UBR7: variants seen among roughly 807,000 people sequenced by gnomAD.
UBR7 encodes putative E3 ubiquitin-protein ligase UBR7.
A neutral mutation model predicts 57.0 loss-of-function variants in UBR7; 22 were observed. That is an observed-to-expected ratio of 0.39 (90% CI 0.28 to 0.55). The LOEUF is 0.55. UBR7 is among the 20% of genes least tolerant of loss of function. The probability of loss-of-function intolerance (pLI) is 0.69; values close to 1 mark genes in which losing one functional copy is unlikely to be tolerated. For missense variants in UBR7, 395 were observed against 513.2 expected, an observed-to-expected ratio of 0.77 and a Z score of 2.23; for synonymous variants, 167 against 179.8, an observed-to-expected ratio of 0.93 and a Z score of 0.57.
intron 10 of UBR7, among the ~76,000 whole-genome samples, chr14:93,224,564 A>G (rs893173560): frequency 6.6e-6 from 1 of 151,648 alleles, no homozygotes; most frequent in South Asian, 2.1e-4. Flanking sequence ...TTTTTAGTAG[A>G]GACGGGGTTT....
In UBR7 at chr14:93,226,566, G is replaced by A. The variant is rs533550581; in HGVS notation, c.1186-377G>A. Among the ~76,000 whole-genome samples the A allele has an allele frequency of 7.7e-3, 1,172 of 152,220 alleles. 18 individuals are homozygous for A. Among genetic ancestry groups the A allele is most frequent in the African/African-American group, 0.027 (1,111 of 41,542 alleles). Reference sequence around the variant, plus strand: ...AGCACTTTGGGAGGCCGAGGCAGGCGGATCATGAGGTCAGGAGATCGAGAC... The same window carrying A: ...AGCACTTTGGGAGGCCGAGGCAGGCAGATCATGAGGTCAGGAGATCGAGAC... On this transcript the variant is annotated intron_variant, in intron 10 of 10. Transcript: ENST00000013070.
chr14:93,219,291 TAAAG>T lies in UBR7; in HGVS notation c.896_899del (p.Lys299ThrfsTer8). 6.2e-7 allele frequency: 1 copy of T among 1,614,180 alleles called. No individual in the cohort carries two copies. Among genetic ancestry groups the T allele is most frequent in the Non-Finnish European group, 8.5e-7 (1 of 1,180,042 alleles). On this transcript the variant is annotated frameshift_variant, in exon 8 of 11. Transcript: ENST00000013070. LOFTEE classifies it high-confidence loss of function. ...CAGGAGCTTAAAGCTAAGCAGCTTA[TAAAG>T]AAAGACACTGCCACCTATTGGCCCC...
In UBR7 at chr14:93,227,754, A is replaced by G; in HGVS notation, c.*719A>G. On this transcript the variant is annotated 3_prime_UTR_variant, in exon 11 of 11. Coordinates refer to ENST00000013070, the MANE Select transcript of UBR7 (RefSeq NM_175748.4). ...AATTTTCGTTCATGATTCTATTGGCACTAGAATTAGAATTTCAGTACTGTA... is the reference window on the plus strand; with the variant it reads ...AATTTTCGTTCATGATTCTATTGGCGCTAGAATTAGAATTTCAGTACTGTA... The G allele has an allele frequency of 1.4e-6, 1 of 700,826 alleles. No homozygotes were observed. The highest frequency in any genetic ancestry group is 2.7e-5 in the East Asian group (1 of 37,294). 43.4% of individuals were successfully genotyped at this position (700,826 alleles called of 1,614,324 possible).
rs959019404 is a variant in UBR7, at chr14:93,229,030, T to C, written c.*1995T>C. ...TTGACTGTATTGGACTGTCTCTTCT[T>C]GTAGAGACTGATTTTGGCCAACATA... On this transcript the variant is annotated 3_prime_UTR_variant, in exon 11 of 11. Coordinates refer to ENST00000013070, the MANE Select transcript of UBR7 (RefSeq NM_175748.4). 4.6e-6 allele frequency: 2 copies of C among 431,276 alleles called. No homozygotes were observed. Among genetic ancestry groups the C allele is most frequent in the Non-Finnish European group, 9.3e-6 (2 of 215,774 alleles). 26.7% of individuals were successfully genotyped at this position (431,276 alleles called of 1,614,324 possible).
chr14:93,222,265 A>G (rs1300139591), intron 9 of UBR7, 48 bp from the exon 10 acceptor site: 1 of 1,392,916 alleles, frequency 7.2e-7, no homozygotes, highest in Non-Finnish European at 1.0e-6. Flanking sequence ...TTGTTTTTGA[A>G]AGCAAATGGT....
At chr14:93,226,721 A>T (rs1894858170) in intron 10 of UBR7, among the ~76,000 whole-genome samples, 1 of 147,522 alleles carries the variant, frequency 6.8e-6, no homozygotes, top group Non-Finnish European at 1.5e-5. Context: ...TTAACCCGGG[A>T]GGCAGAGCTT....
chr14:93,223,694 G>C, intron 10 of UBR7: 1 of 1,071,560 alleles, frequency 9.3e-7, no homozygotes, highest in Non-Finnish European at 1.4e-6. Flanking sequence ...TGGAGTCGTG[G>C]AACTGCTTGA....
At chr14:93,220,568 G>A (rs1176466303) in intron 9 of UBR7, among the ~76,000 whole-genome samples, 157 bp downstream of exon 9, 3 of 152,158 alleles carry the variant, frequency 2.0e-5, no homozygotes, top group Non-Finnish European at 4.4e-5. Flanking sequence ...GTATTCAGCT[G>A]CTTTTACCAT....
chr14:93,225,088 A>C (rs931016445), intron 10 of UBR7, among the ~76,000 whole-genome samples: 1 of 152,154 alleles, frequency 6.6e-6, no homozygotes, highest in Non-Finnish European at 1.5e-5. Flanking sequence ...TTTAGGAGAG[A>C]ATTTTTTATC....
chr14:93,229,080 CA>C lies in UBR7; in HGVS notation c.*2048del. ...ATTAATGCATGTTTTATGCAAAACA[CA>C]AATATGATATTAGTTGCTTTTAAGG... On this transcript the variant is annotated 3_prime_UTR_variant, in exon 11 of 11. Transcript: ENST00000013070. 2.6e-6 allele frequency: 1 copy of C among 384,266 alleles called. No homozygotes were observed. The highest frequency in any genetic ancestry group is 5.1e-6 in the Non-Finnish European group (1 of 195,050). 23.8% of individuals were successfully genotyped at this position (384,266 alleles called of 1,614,324 possible). A position where few individuals can be genotyped will look rare whatever the true frequency, so the allele number is the denominator to read the frequency against.
chr14:93,228,580 G>A lies in UBR7; in HGVS notation c.*1545G>A. ...GCTCCTAATTGCAGATCCTCACGAAGGGTGGTATGTGGAGCTGGAAGGTCT... is the reference window on the plus strand; with the variant it reads ...GCTCCTAATTGCAGATCCTCACGAAAGGTGGTATGTGGAGCTGGAAGGTCT... On this transcript the variant is annotated 3_prime_UTR_variant, in exon 11 of 11. Coordinates refer to ENST00000013070, the MANE Select transcript of UBR7 (RefSeq NM_175748.4). 1 of 454,076 alleles carries A rather than the reference G, an allele frequency of 2.2e-6. No homozygotes were observed. The allele number at this position is 454,076 out of a possible 1,614,324, so 28.1% of individuals were successfully genotyped here.
chr14:93,219,640 C>A lies in UBR7; in HGVS notation c.960+279C>A, dbSNP rs1894664308. Among the ~76,000 whole-genome samples the A allele has an allele frequency of 2.6e-5, 4 of 152,114 alleles. No homozygotes were observed. In the South Asian group the frequency reaches 8.3e-4, roughly 32 times the overall value. On this transcript the variant is annotated intron_variant, in intron 8 of 10. Transcript: ENST00000013070. ...CTTATTTTAATTTTAGTTTACTTAT[C>A]TTTGTTATATCAAAGTTGCTTGGAA...
At chr14:93,225,059 G>GCGC (rs1340098291) in intron 10 of UBR7, among the ~76,000 whole-genome samples, 1 of 152,134 alleles carries the variant, frequency 6.6e-6, no homozygotes, top group East Asian at 1.9e-4. Context: ...GTTATCACTA[G>GCGC]CGCCACTCTT....
chr14:93,212,248 G>T (rs1894500668), intron 4 of UBR7, 121 bp downstream of exon 4: 1 of 714,214 alleles, frequency 1.4e-6, no homozygotes, highest in Admixed American at 2.2e-5. Context: ...AAGGGCTCTA[G>T]ATTTATCTTT....
At chr14:93,223,097 A>G (rs147853015) in intron 10 of UBR7, among the ~76,000 whole-genome samples, 43 of 152,286 alleles carry the variant, frequency 2.8e-4, no homozygotes, top group Non-Finnish European at 5.7e-4. Context: ...CATGGTTTAG[A>G]ATAGAAACTG....
In UBR7 at chr14:93,227,650, C is replaced by T; in HGVS notation, c.*615C>T. On this transcript the variant is annotated 3_prime_UTR_variant, in exon 11 of 11. Coordinates refer to ENST00000013070, the MANE Select transcript of UBR7 (RefSeq NM_175748.4). Reference sequence around the variant, plus strand: ...ATGGTTTTCTGGTCTGGATGTCTGTCACAGGCGGAGAGATTAACAGATGAC... The same window carrying T: ...ATGGTTTTCTGGTCTGGATGTCTGTTACAGGCGGAGAGATTAACAGATGAC... 1 of 700,828 alleles carries T rather than the reference C, an allele frequency of 1.4e-6. No homozygotes were observed. Among genetic ancestry groups the T allele is most frequent in the Non-Finnish European group, 2.6e-6 (1 of 384,834 alleles). 43.4% of individuals were successfully genotyped at this position (700,828 alleles called of 1,614,324 possible).
Position 93,228,281 on chromosome 14 carries a change from C to T in UBR7, c.*1246C>T, listed in dbSNP as rs1304954908. The T allele has an allele frequency of 4.3e-6, 2 of 460,110 alleles. No homozygotes were observed. Among genetic ancestry groups the T allele is most frequent in the Non-Finnish European group, 4.3e-6 (1 of 230,612 alleles). The allele number at this position is 460,110 out of a possible 1,614,324, so 28.5% of individuals were successfully genotyped here. On this transcript the variant is annotated 3_prime_UTR_variant, in exon 11 of 11. Coordinates refer to ENST00000013070, the MANE Select transcript of UBR7 (RefSeq NM_175748.4). ...GATATGAGATCTCTTTAACACCCCTCAGTCTATGTAGGAAATGCCTTGTGA... is the reference window on the plus strand; with the variant it reads ...GATATGAGATCTCTTTAACACCCCTTAGTCTATGTAGGAAATGCCTTGTGA...
At chr14:93,212,163 C>A in intron 4 of UBR7, 36 bp downstream of exon 4, 2 of 1,510,230 alleles carry the variant, frequency 1.3e-6, no homozygotes, top group East Asian at 4.6e-5. Context: ...GGGGTGTGTC[C>A]CCTCTAGCCT....
intron 9 of UBR7, 79 bp from the exon 10 acceptor site, chr14:93,222,234 G>T (rs1393556242): frequency 5.2e-6 from 5 of 965,308 alleles, no homozygotes; most frequent in South Asian, 1.3e-5. Flanking sequence ...ACAGACTCAG[G>T]TGTCAATGGC....
Sources: gnomAD v4.1 joint callset for allele counts (sites outside exome capture counted in the v4.1 genomes callset) on GRCh38, gnomAD v4.1.1 for gene constraint, MANE v1.5 for transcripts, NCBI Gene and HGNC (gene_info 2026-07-23, HGNC 2026-07-21) for gene names.